Variants in RIMS2 observed in about 807,000 individuals in gnomAD.
RIMS2 encodes the protein regulating synaptic membrane exocytosis protein 2.
Under a neutral mutation model 174.4 loss-of-function variants are expected in RIMS2, and 59 were observed. The observed-to-expected ratio is 0.34, with a 90% confidence interval of 0.27 to 0.42. The LOEUF (loss-of-function observed/expected upper bound fraction) is 0.42. RIMS2 is among the 10% of genes least tolerant of loss of function. The pLI, the probability that RIMS2 is intolerant of heterozygous loss-of-function variation, is 1.00. For synonymous variants in RIMS2, 606 were observed against 572.5 expected (o/e 1.06, Z -0.84); for missense variants, 1,620 against 1,666.3 (o/e 0.97, Z 0.48).
intron 3 of RIMS2, among the ~76,000 whole-genome samples, chr8:103,825,446 A>ATTT (rs35460743): frequency 0.019 from 2,504 of 131,800 alleles, 103 homozygotes; most frequent in African/African-American, 0.068. Flanking sequence ...TGGCTAGCTA[A>ATTT]TTTTTTTTTT....
chr8:103,874,360 A>G (rs988193676), intron 3 of RIMS2, among the ~76,000 whole-genome samples: 1 of 152,070 alleles, frequency 6.6e-6, no homozygotes, highest in Non-Finnish European at 1.5e-5. Flanking sequence ...GGCCAGTTCA[A>G]TCAAAACCAC....
At chr8:103,918,023 A>G (rs2076939627) in intron 8 of RIMS2, among the ~76,000 whole-genome samples, 1 of 152,192 alleles carries the variant, frequency 6.6e-6, no homozygotes, top group South Asian at 2.1e-4. Context: ...TGAATATCTT[A>G]CTTTTTATTT....
intron 14 of RIMS2, among the ~76,000 whole-genome samples, chr8:103,956,821 A>G (rs2087428665): frequency 6.6e-6 from 1 of 152,248 alleles, no homozygotes; most frequent in South Asian, 2.1e-4. Context: ...GGCAACCTAC[A>G]GAATGGGAGA....
chr8:104,132,921 C>T (rs2133067733), intron 19 of RIMS2, among the ~76,000 whole-genome samples: 1 of 152,302 alleles, frequency 6.6e-6, no homozygotes, highest in East Asian at 1.9e-4. Context: ...TTTCAGGTAT[C>T]ACCCCAGACC....
At chr8:103,883,150 T>C (rs1288966539) in intron 3 of RIMS2, among the ~76,000 whole-genome samples, 2 of 151,764 alleles carry the variant, frequency 1.3e-5, no homozygotes, top group Non-Finnish European at 3.0e-5. Flanking sequence ...ATTTATAAGA[T>C]AGTGTGTGGC....
Position 103,942,933 on chromosome 8 carries a change from T to G in RIMS2, c.2701+7T>G. ...CCAACACGGAGGTTGCAAAGTAAGTTTTACTAAAATTCTTTCATATTTTTA... is the reference window on the plus strand; with the variant it reads ...CCAACACGGAGGTTGCAAAGTAAGTGTTACTAAAATTCTTTCATATTTTTA... On this transcript the variant is annotated splice_region_variant and intron_variant, in intron 14 of 23. Transcript: ENST00000504942. The G allele has an allele frequency of 6.3e-7, 1 of 1,595,172 alleles. No homozygotes were observed. The highest frequency in any genetic ancestry group is 8.5e-7 in the Non-Finnish European group (1 of 1,170,218).
chr8:104,059,775 A>T (rs969480755), intron 19 of RIMS2, among the ~76,000 whole-genome samples: 1 of 152,002 alleles, frequency 6.6e-6, no homozygotes, highest in African/African-American at 2.4e-5. Context: ...AGTTTTTAGC[A>T]TGAAGGGTTG....
intron 15 of RIMS2, among the ~76,000 whole-genome samples, chr8:103,971,082 A>G (rs550828485): frequency 6.6e-6 from 1 of 152,304 alleles, no homozygotes; most frequent in Admixed American, 6.5e-5. Context: ...CTTTTAACCT[A>G]TTGATGCACT....
intron 3 of RIMS2, among the ~76,000 whole-genome samples, chr8:103,774,891 A>T (rs1240707577): frequency 1.3e-5 from 2 of 152,184 alleles, no homozygotes; most frequent in African/African-American, 4.8e-5. Context: ...AACTGCATGT[A>T]AATTATATTT....
chr8:103,736,799 A>T (rs1564453385), intron 2 of RIMS2, among the ~76,000 whole-genome samples: 1 of 152,156 alleles, frequency 6.6e-6, no homozygotes, highest in Non-Finnish European at 1.5e-5. Flanking sequence ...CACCTTTTCC[A>T]TGAAGAGTTT....
At chr8:104,140,526 G>T (rs550388989) in intron 19 of RIMS2, among the ~76,000 whole-genome samples, 36 of 152,226 alleles carry the variant, frequency 2.4e-4, no homozygotes, top group Non-Finnish European at 5.0e-4. Context: ...TTGCCTAAAT[G>T]GAGGCTTTGC....
intron 17 of RIMS2, among the ~76,000 whole-genome samples, chr8:103,998,838 T>C (rs1279016772): frequency 6.6e-6 from 1 of 151,806 alleles, no homozygotes; most frequent in Non-Finnish European, 1.5e-5. Flanking sequence ...AAGTGGGAAT[T>C]TGCAGTGAAT....
At chr8:104,137,678 T>C (rs555965469) in intron 19 of RIMS2, among the ~76,000 whole-genome samples, 98 of 152,316 alleles carry the variant, frequency 6.4e-4, no homozygotes, top group Admixed American at 1.2e-3. Context: ...TAGATTGCCT[T>C]GTTTATTTGT....
intron 3 of RIMS2, among the ~76,000 whole-genome samples, chr8:103,849,632 A>G (rs1173636538): frequency 6.6e-6 from 1 of 152,026 alleles, no homozygotes; most frequent in Non-Finnish European, 1.5e-5. Context: ...GGGAGGGAAT[A>G]GCAGTGCTAC....
chr8:103,628,276 A>G (rs796294451), intron 1 of RIMS2, among the ~76,000 whole-genome samples: 1 of 152,228 alleles, frequency 6.6e-6, no homozygotes, highest in African/African-American at 2.4e-5. Flanking sequence ...AGAAGACCTT[A>G]CAAGAGAAAG....
intron 2 of RIMS2, among the ~76,000 whole-genome samples, chr8:103,728,822 A>G (rs573516213): frequency 7.1e-5 from 9 of 127,466 alleles, no homozygotes; most frequent in South Asian, 2.3e-4. Context: ...ATTATTATCA[A>G]TTGAAATGAT....
At chr8:103,663,728 A>G (rs1008503784) in intron 1 of RIMS2, among the ~76,000 whole-genome samples, 1 of 152,208 alleles carries the variant, frequency 6.6e-6, no homozygotes, top group Non-Finnish European at 1.5e-5. Context: ...TATAGATTCA[A>G]TGGTATCCCC....
At chr8:103,975,673 G>C (rs760503085) in intron 16 of RIMS2, 167 bp downstream of exon 18, 1 of 524,466 alleles carries the variant, frequency 1.9e-6, no homozygotes, top group Non-Finnish European at 3.3e-6. Context: ...GCAAGCTGGG[G>C]AAGGGAGAAG....
At chr8:103,682,541 A>G (rs2136751630) in intron 1 of RIMS2, among the ~76,000 whole-genome samples, 1 of 152,250 alleles carries the variant, frequency 6.6e-6, no homozygotes, top group Admixed American at 6.6e-5. Context: ...GTGATGAGAT[A>G]GAGTAGAAGA....
Sources: gnomAD v4.1 joint callset for allele counts (sites outside exome capture counted in the v4.1 genomes callset) on GRCh38, gnomAD v4.1.1 for gene constraint, MANE v1.5 for transcripts, NCBI Gene and HGNC (gene_info 2026-07-23, HGNC 2026-07-21) for gene names.